COL4A6: variants seen among roughly 807,000 people sequenced by gnomAD.
COL4A6 encodes the protein collagen type IV alpha 6 chain.
In COL4A6, 59 loss-of-function variants were observed where a neutral mutation model predicts 126.7. That is an observed-to-expected ratio of 0.47 (90% CI 0.38 to 0.58). The LOEUF (loss-of-function observed/expected upper bound fraction) is 0.58. COL4A6 is among the 20% of genes least tolerant of loss of function. The pLI, the probability that COL4A6 is intolerant of heterozygous loss-of-function variation, is 0.00. For synonymous variants in COL4A6, 547 were observed against 496.6 expected (o/e 1.10, Z -1.35); for missense variants, 1,285 against 1,337.3 (o/e 0.96, Z 0.61).
intron 3 of COL4A6, among the ~76,000 whole-genome samples, chrX:108,234,198 C>G (rs1223608904): frequency 8.9e-6 from 1 of 111,998 alleles, no homozygotes; most frequent in Non-Finnish European, 1.9e-5. Flanking sequence ...AATTGAGACC[C>G]AGGGGTTAAC....
chrX:108,247,028 C>A (rs939860040), intron 3 of COL4A6, among the ~76,000 whole-genome samples: 2 of 111,603 alleles, frequency 1.8e-5, no homozygotes, highest in Non-Finnish European at 3.8e-5. Flanking sequence ...TAGTACAATG[C>A]CTGATCCATG....
chrX:108,416,206 G>C (rs1382196464), intron 2 of COL4A6, among the ~76,000 whole-genome samples: 1 of 111,850 alleles, frequency 8.9e-6, no homozygotes, highest in Non-Finnish European at 1.9e-5. Flanking sequence ...GCTAGCCTTT[G>C]ACCCTCCACA....
chrX:108,188,497 CA>C lies in COL4A6; in HGVS notation c.1587+19del. The C allele has an allele frequency of 9.1e-7, 1 of 1,093,712 alleles. No homozygotes were observed. Among genetic ancestry groups the C allele is most frequent in the Non-Finnish European group, 1.2e-6 (1 of 836,165 alleles). 90.1% of individuals were successfully genotyped at this position (1,093,712 alleles called of 1,213,427 possible). ...AAAGATTCCATTGCTTCCTCAGGGTCAAAGTTTGGCAAGACTTACTGGAGCC... is the reference window on the plus strand; with the variant it reads ...AAAGATTCCATTGCTTCCTCAGGGTCAAGTTTGGCAAGACTTACTGGAGCC... On this transcript the variant is annotated intron_variant, in intron 21 of 44. Coordinates refer to ENST00000334504, the MANE Select transcript of COL4A6 (RefSeq NM_033641.4).
chrX:108,307,895 C>T (rs879194960), intron 3 of COL4A6, among the ~76,000 whole-genome samples: 2 of 111,622 alleles, frequency 1.8e-5, no homozygotes, highest in African/African-American at 3.3e-5. Flanking sequence ...CAAGCATCCA[C>T]GTTCAGTTTT....
intron 2 of COL4A6, among the ~76,000 whole-genome samples, chrX:108,323,352 T>C (rs1247876040): frequency 8.9e-6 from 1 of 111,911 alleles, no homozygotes; most frequent in Non-Finnish European, 1.9e-5. Context: ...ACTAAAAGCT[T>C]GATACAGGAG....
chrX:108,387,376 C>T lies in COL4A6; in HGVS notation c.63+50566G>A, dbSNP rs1028454090. Among the ~76,000 whole-genome samples, 11 of 111,750 alleles carry T rather than the reference C, an allele frequency of 9.8e-5. No individual in the cohort carries two copies. In the Admixed American group the frequency reaches 1.0e-3, roughly 11 times the overall value. ...GGAATGTTTTTCCATTTCTTTGTGT[C>T]CTCTCTTATTTCCTTGAGCAGTGGT... On this transcript the variant is annotated intron_variant, in intron 2 of 44. Coordinates refer to ENST00000334504, the MANE Select transcript of COL4A6 (RefSeq NM_033641.4).
chrX:108,313,247 C>T (rs1356256458), intron 2 of COL4A6, among the ~76,000 whole-genome samples: 1 of 111,460 alleles, frequency 9.0e-6, no homozygotes, highest in Non-Finnish European at 1.9e-5. Flanking sequence ...ACTCCACCCC[C>T]TGCTTGACCA....
intron 2 of COL4A6, among the ~76,000 whole-genome samples, chrX:108,397,706 G>T (rs1267516204): frequency 9.1e-6 from 1 of 109,936 alleles, no homozygotes; most frequent in Non-Finnish European, 1.9e-5. Context: ...CAAAGACATT[G>T]TATGGAACTG....
intron 2 of COL4A6, among the ~76,000 whole-genome samples, chrX:108,413,247 A>G (rs1169946669): frequency 9.0e-6 from 1 of 111,690 alleles, no homozygotes; most frequent in African/African-American, 3.3e-5. Context: ...TAAGAAGATG[A>G]TAGATTTAAT....
intron 3 of COL4A6, among the ~76,000 whole-genome samples, chrX:108,224,824 T>G (rs2036120692): frequency 1.8e-5 from 2 of 111,282 alleles, no homozygotes; most frequent in African/African-American, 6.5e-5. Context: ...AGTGGTGAAT[T>G]CCTTTCCTTT....
intron 8 of COL4A6, among the ~76,000 whole-genome samples, chrX:108,208,193 G>T (rs2035606037): frequency 9.0e-6 from 1 of 111,589 alleles, no homozygotes; most frequent in African/African-American, 3.3e-5. Flanking sequence ...AAAACTAACA[G>T]AACTTCAAGT....
chrX:108,301,152 T>TGACA (rs1263509401), intron 3 of COL4A6, among the ~76,000 whole-genome samples: 1 of 112,264 alleles, frequency 8.9e-6, no homozygotes, highest in Non-Finnish European at 1.9e-5. Flanking sequence ...ATTACTTCCC[T>TGACA]GACATATACT....
At chrX:108,377,556 CT>C (rs199647476) in intron 2 of COL4A6, among the ~76,000 whole-genome samples, 4,622 of 86,290 alleles carry the variant, frequency 0.054, 199 homozygotes, top group African/African-American at 0.15. Context: ...AAAAAAATTT[CT>C]TTTTTTTTTT....
chrX:108,295,400 C>G (rs189155961), intron 3 of COL4A6, among the ~76,000 whole-genome samples: 1 of 112,237 alleles, frequency 8.9e-6, no homozygotes, highest in African/African-American at 3.2e-5. Flanking sequence ...ATAGCCAAGC[C>G]AATTGGAAAA....
At chrX:108,175,300 A>G (rs752247837) in intron 29 of COL4A6, 85 bp from the exon 30 acceptor site, 1 of 1,035,302 alleles carries the variant, frequency 9.7e-7, no homozygotes, top group African/African-American at 2.0e-5. Flanking sequence ...TTCTTCCCAT[A>G]CCACCACAGC....
intron 13 of COL4A6, among the ~76,000 whole-genome samples, chrX:108,201,406 G>A (rs1266726): frequency 0.22 from 24,354 of 111,174 alleles, 2,457 homozygotes; most frequent in Non-Finnish European, 0.31. Flanking sequence ...ATTGAAACAA[G>A]GCAACTGTAA....
intron 2 of COL4A6, among the ~76,000 whole-genome samples, chrX:108,348,482 T>C (rs898873983): frequency 1.8e-5 from 2 of 112,214 alleles, no homozygotes; most frequent in South Asian, 7.5e-4. Context: ...CTATTTTCTT[T>C]TGTTTGCATG....
intron 43 of COL4A6, 92 bp from the exon 44 acceptor site, chrX:108,159,840 C>T: frequency 3.1e-6 from 3 of 965,898 alleles, no homozygotes; most frequent in Non-Finnish European, 4.5e-6. Context: ...ACCACTTGCA[C>T]CAGACTGAGG....
intron 23 of COL4A6, among the ~76,000 whole-genome samples, chrX:108,183,543 A>G (rs1308759509): frequency 9.0e-6 from 1 of 111,626 alleles, no homozygotes; most frequent in East Asian, 2.8e-4. Flanking sequence ...TGTGCTAAGG[A>G]GCCTCTGAAG....
Sources: gnomAD v4.1 joint callset for allele counts (sites outside exome capture counted in the v4.1 genomes callset) on GRCh38, gnomAD v4.1.1 for gene constraint, MANE v1.5 for transcripts, NCBI Gene and HGNC (gene_info 2026-07-23, HGNC 2026-07-21) for gene names.